Variants in SLC29A2 observed in about 807,000 individuals in gnomAD.
SLC29A2 encodes the protein solute carrier family 29 member 2.
In SLC29A2, 37 loss-of-function variants were observed where a neutral mutation model predicts 48.8. The ratio of observed to expected loss-of-function variants is 0.76; its 90% confidence interval spans 0.58 to 1.00. The LOEUF (loss-of-function observed/expected upper bound fraction) is 1.00. Ranked by LOEUF, SLC29A2 falls within the 50% of genes least tolerant of loss-of-function variation. The pLI, the probability that SLC29A2 is intolerant of heterozygous loss-of-function variation, is 0.00. For synonymous variants in SLC29A2, 233 were observed against 261.7 expected (o/e 0.89, Z 1.06); for missense variants, 533 against 578.6 (o/e 0.92, Z 0.81).
chr11:66,367,383 AC>A (rs1855760564), intron 7 of SLC29A2, 80 bp downstream of exon 7: 2 of 1,211,834 alleles, frequency 1.7e-6, no homozygotes, highest in Admixed American at 1.7e-5. Flanking sequence ...CTGGCTGGGA[AC>A]AGATGGAACA....
At chr11:66,364,185 C>A (rs762839656) in intron 11 of SLC29A2, 40 bp downstream of exon 11, 24 of 1,502,904 alleles carry the variant, frequency 1.6e-5, no homozygotes, top group Non-Finnish European at 2.0e-5. Flanking sequence ...GAACCCACCT[C>A]CCTACTCCCA....
chr11:66,367,459 C>G lies in SLC29A2; in HGVS notation c.733+5G>C. 1 of 1,613,808 alleles carries G rather than the reference C, an allele frequency of 6.2e-7. No homozygotes were observed. Among genetic ancestry groups the G allele is most frequent in the South Asian group, 1.1e-5 (1 of 91,084 alleles). ...CCACCTCCCCAGGAGGGTCTCAGGGCTTACCAGACTGGAGGAGCTCAGCTT... is the reference window on the plus strand; with the variant it reads ...CCACCTCCCCAGGAGGGTCTCAGGGGTTACCAGACTGGAGGAGCTCAGCTT... On this transcript the variant is annotated splice_donor_5th_base_variant and intron_variant, in intron 7 of 11. Coordinates refer to ENST00000357440, the MANE Select transcript of SLC29A2 (RefSeq NM_001532.3).
In SLC29A2 at chr11:66,371,271, G is replaced by C. The variant is rs957812949; in HGVS notation, c.84C>G (p.Pro28=). 1.9e-6 allele frequency: 3 copies of C among 1,613,928 alleles called. No homozygotes were observed. The highest frequency in any genetic ancestry group is 2.5e-6 in the Non-Finnish European group (3 of 1,180,020). ...FFILGLGTLL[P]WNFFITAIPY... is the part of the protein sequence containing the mutation. ...GGATGGCGGTGATGAAGAAGTTCCAGGGAAGGAGGGTGCCCAGCCCCAGGA... is the reference window on the plus strand; with the variant it reads ...GGATGGCGGTGATGAAGAAGTTCCACGGAAGGAGGGTGCCCAGCCCCAGGA... The change falls in exon 2 of 12, where the codon CCC becomes CCG. Residue 28 remains proline, a synonymous_variant. Transcript: ENST00000357440.
Position 66,371,247 on chromosome 11 carries a change from G to A in SLC29A2, c.108C>T (p.Ile36=). ...GCCACGCCGCCAGGAGTCTCACCGG[G>A]ATGGCGGTGATGAAGAAGTTCCAGG... is the stretch of plus-strand genomic sequence containing the variant. ...LLPWNFFITA[I]PYFQARLAGA... Residue 36 remains isoleucine, a synonymous_variant, in exon 2 of 12, where the codon ATC becomes ATT. Transcript: ENST00000357440. 1 of 1,613,288 alleles carries A rather than the reference G, an allele frequency of 6.2e-7. No homozygotes were observed. The highest frequency in any genetic ancestry group is 8.5e-7 in the Non-Finnish European group (1 of 1,179,528).
Position 66,371,739 on chromosome 11 carries a change from C to G in SLC29A2, c.-148G>C. 1.3e-6 allele frequency: 1 copy of G among 746,194 alleles called. No individual in the cohort carries two copies. Among genetic ancestry groups the G allele is most frequent in the Non-Finnish European group, 2.1e-6 (1 of 470,070 alleles). 46.2% of individuals were successfully genotyped at this position (746,194 alleles called of 1,614,324 possible). A position where few individuals can be genotyped will look rare whatever the true frequency, so the allele number is the denominator to read the frequency against. On this transcript the variant is annotated 5_prime_UTR_variant, in exon 1 of 12. Coordinates refer to ENST00000357440, the MANE Select transcript of SLC29A2 (RefSeq NM_001532.3). ...GCGGCTGGAGTCGCACAGGTAGCCT[C>G]GGGCGGATTTCGGCGTGTCTCGCGC...
intron 1 of SLC29A2, 114 bp downstream of exon 1, chr11:66,371,449 G>C: frequency 2.0e-6 from 3 of 1,498,128 alleles, no homozygotes; most frequent in Non-Finnish European, 2.7e-6. Flanking sequence ...GCGGCCGAGG[G>C]AGTCGGCTGA....
chr11:66,369,213 G>A lies in SLC29A2; in HGVS notation c.276-14C>T, dbSNP rs373134285. 1 of 1,577,394 alleles carries A rather than the reference G, an allele frequency of 6.3e-7. No individual in the cohort carries two copies. The highest frequency in any genetic ancestry group is 8.6e-7 in the Non-Finnish European group (1 of 1,162,262). On this transcript the variant is annotated splice_polypyrimidine_tract_variant and intron_variant, in intron 3 of 11. Transcript: ENST00000357440. ...GTCTCCGGGACGCTGCTCAGAAGCAGGCAGAGTGCATCAGTGGGGCCCAGG... is the reference window on the plus strand; with the variant it reads ...GTCTCCGGGACGCTGCTCAGAAGCAAGCAGAGTGCATCAGTGGGGCCCAGG...
chr11:66,366,079 C>T (rs1359405502), intron 9 of SLC29A2, 47 bp downstream of exon 9: 1 of 1,606,098 alleles, frequency 6.2e-7, no homozygotes, highest in South Asian at 1.1e-5. Context: ...CCCGTCCTCT[C>T]CCCTTTGTAC....
At position 66,371,274 on chromosome 11, in the gene SLC29A2, A is replaced by G. The variant is rs747054114; in HGVS notation, c.81T>C (p.Leu27=). 6.2e-7 allele frequency: 1 copy of G among 1,613,812 alleles called. No individual in the cohort carries two copies. Among genetic ancestry groups the G allele is most frequent in the East Asian group, 2.2e-5 (1 of 44,876 alleles). Residue 27 remains leucine, a synonymous_variant, in exon 2 of 12, where the codon CTT becomes CTC. Transcript: ENST00000357440. ...SFFILGLGTL[L]PWNFFITAIP... ...TGGCGGTGATGAAGAAGTTCCAGGGAAGGAGGGTGCCCAGCCCCAGGATGA... is the reference window on the plus strand; with the variant it reads ...TGGCGGTGATGAAGAAGTTCCAGGGGAGGAGGGTGCCCAGCCCCAGGATGA...
intron 9 of SLC29A2, 43 bp from the exon 10 acceptor site, chr11:66,366,064 C>T (rs746920008): frequency 6.2e-7 from 1 of 1,606,032 alleles, no homozygotes. Context: ...CTCCAACTCC[C>T]CTCTCCCGTC....
intron 5 of SLC29A2, 100 bp from the exon 6 acceptor site, chr11:66,367,969 C>G: frequency 1.1e-6 from 1 of 892,252 alleles, no homozygotes; most frequent in Non-Finnish European, 1.8e-6. Context: ...ACTTCTCAGA[C>G]CCACTCCCAG....
rs1855478697 is a variant in SLC29A2 at position 66,363,324 on chromosome 11, G to T, written c.*112C>A. ...CCGCTGCTGGCAGCCTCAGGCCCAGGGGCCTCCACCCCGCAGAGGCCTGAG... is the reference window on the plus strand; with the variant it reads ...CCGCTGCTGGCAGCCTCAGGCCCAGTGGCCTCCACCCCGCAGAGGCCTGAG... On this transcript the variant is annotated 3_prime_UTR_variant, in exon 12 of 12. Transcript: ENST00000357440. 1 of 820,194 alleles carries T rather than the reference G, an allele frequency of 1.2e-6. No individual in the cohort carries two copies. Among genetic ancestry groups the T allele is most frequent in the African/African-American group, 1.7e-5 (1 of 59,224 alleles). The allele number at this position is 820,194 out of a possible 1,614,324, so 50.8% of individuals were successfully genotyped here.
intron 5 of SLC29A2, among the ~76,000 whole-genome samples, chr11:66,368,154 G>A (rs561771398): frequency 2.6e-4 from 40 of 152,274 alleles, no homozygotes; most frequent in Non-Finnish European, 4.6e-4. Context: ...TACCAATCAC[G>A]TCGGTGGGGA....
chr11:66,369,100 G>A lies in SLC29A2; in HGVS notation c.375C>T (p.Pro125=), dbSNP rs994361892. The A allele has an allele frequency of 6.9e-5, 111 of 1,597,714 alleles. No individual in the cohort carries two copies. The highest frequency in any genetic ancestry group is 9.1e-5 in the Non-Finnish European group (107 of 1,172,468). Residue 125 remains proline, a synonymous_variant, in exon 4 of 12, where the codon CCC becomes CCT. Transcript: ENST00000357440. ...ALVKVDMSPG[P]FFSITMASVC... Reference sequence around the variant, plus strand: ...CGGAGGCCATGGTGATGGAGAAGAAGGGTCCGGGGCTCATGTCCACCTTGA... The same window carrying A: ...CGGAGGCCATGGTGATGGAGAAGAAAGGTCCGGGGCTCATGTCCACCTTGA...
upstream of SLC29A2, chr11:66,371,994 C>T: frequency 3.6e-6 from 1 of 280,700 alleles, no homozygotes; most frequent in Non-Finnish European, 6.8e-6. Context: ...GGGGTAGGGA[C>T]GAGGTGTAAC....
chr11:66,371,897 C>T (rs1005017230), upstream of SLC29A2: 2 of 468,238 alleles, frequency 4.3e-6, no homozygotes, highest in Admixed American at 4.1e-5. Flanking sequence ...CTGCGGAACC[C>T]GCCCGCTCCC....
In SLC29A2 at chr11:66,362,993, C is replaced by T; in HGVS notation, c.*443G>A. 1 of 264,432 alleles carries T rather than the reference C, an allele frequency of 3.8e-6. No homozygotes were observed. The highest frequency in any genetic ancestry group is 7.5e-6 in the Non-Finnish European group (1 of 132,852). 16.4% of individuals were successfully genotyped at this position (264,432 alleles called of 1,614,324 possible). A position where few individuals can be genotyped will look rare whatever the true frequency, so the allele number is the denominator to read the frequency against. ...GGTCCTCCACATCTGTTCCTCCTCT[C>T]AGGTGCCCACAACTTCCCTGGCACC... On this transcript the variant is annotated 3_prime_UTR_variant, in exon 12 of 12. Transcript: ENST00000357440.
chr11:66,367,807 T>C lies in SLC29A2; in HGVS notation c.613A>G (p.Met205Val), dbSNP rs370123517. 6.2e-6 allele frequency: 10 copies of C among 1,613,992 alleles called. No homozygotes were observed. The highest frequency in any genetic ancestry group is 8.5e-6 in the Non-Finnish European group (10 of 1,180,000). Residue 205 changes from methionine (M) to valine (V), a missense_variant, in exon 6 of 12, where the codon ATG becomes GTG. By Grantham distance (21) the Met-to-Val change is conservative. Coordinates refer to ENST00000357440, the MANE Select transcript of SLC29A2 (RefSeq NM_001532.3). ...YFITPCVGIL[M>V]SIVCYLSLPH... Reference sequence around the variant, plus strand: ...AGGCTCAGGTAACACACGATGGACATGAGGATGCCCACACAGGGCGTGATA... The same window carrying C: ...AGGCTCAGGTAACACACGATGGACACGAGGATGCCCACACAGGGCGTGATA...
intron 1 of SLC29A2, 37 bp from the exon 2 acceptor site, chr11:66,371,362 ACCCGCCTCCGCAGGCCCT>A (rs1590666204): frequency 6.3e-7 from 1 of 1,594,292 alleles, no homozygotes; most frequent in East Asian, 2.3e-5. Flanking sequence ...CCGAGGACGC[ACCCGCCTCCGCAGGCCCT>A]CCCGCCTCCC....
Sources: allele counts gnomAD v4.1 joint callset (sites outside exome capture counted in the v4.1 genomes callset), GRCh38; gene constraint gnomAD v4.1.1; transcripts MANE v1.5; gene names NCBI Gene and HGNC (gene_info 2026-07-23, HGNC 2026-07-21).